CGNL1: variants seen among roughly 807,000 people sequenced by gnomAD.
CGNL1 encodes cingulin-like protein 1.
CGNL1 carries 132 observed loss-of-function variants against 141.2 expected under a neutral mutation model. That is an observed-to-expected ratio of 0.93 (90% CI 0.81 to 1.08). The LOEUF (loss-of-function observed/expected upper bound fraction) is 1.08, where lower values mean the gene tolerates loss of function less well. Ranked by LOEUF, CGNL1 falls within the 50% of genes least tolerant of loss-of-function variation. The pLI, the probability that CGNL1 is intolerant of heterozygous loss-of-function variation, is 0.00. For synonymous variants in CGNL1, 690 were observed against 622.1 expected (o/e 1.11, Z -1.63); for missense variants, 1,870 against 1,588.6 (o/e 1.18, Z -3.01).
chr15:57,529,344 A>G (rs2031812876), intron 13 of CGNL1, among the ~76,000 whole-genome samples: 1 of 152,206 alleles, frequency 6.6e-6, no homozygotes, highest in Non-Finnish European at 1.5e-5. Context: ...TAGTATGTAC[A>G]TAGTCCAAGA....
intron 17 of CGNL1, 107 bp from the exon 18 acceptor site, chr15:57,545,969 T>C: frequency 1.6e-6 from 2 of 1,273,746 alleles, no homozygotes; most frequent in Non-Finnish European, 2.2e-6. Flanking sequence ...GCTGCCCCAT[T>C]GCCCATGTCT....
At chr15:57,385,681 C>T (rs192580214) in intron 1 of CGNL1, among the ~76,000 whole-genome samples, 73 of 152,312 alleles carry the variant, frequency 4.8e-4, no homozygotes, top group African/African-American at 1.7e-3. Flanking sequence ...CTACCCCATA[C>T]AGTCAAGCCA....
rs1482726977 is a variant in CGNL1, at chr15:57,438,952, A to T, written c.953A>T (p.Glu318Val). 2 of 1,614,222 alleles carry T rather than the reference A, an allele frequency of 1.2e-6. No homozygotes were observed. The highest frequency in any genetic ancestry group is 2.2e-5 in the East Asian group (1 of 44,878). The change falls in exon 2 of 19, where the codon GAA (glutamate) becomes GTA (valine). Residue 318 changes from glutamate to valine, a missense_variant. By Grantham distance (121) the Glu-to-Val change is moderately radical. Transcript: ENST00000281282. ...SLYRFLLDDQ[E>V]CAIHADNVNR... ...TACAGGTTTTTACTGGATGATCAGG[A>T]ATGTGCCATCCATGCCGACAACGTC...
intron 10 of CGNL1, among the ~76,000 whole-genome samples, chr15:57,520,853 T>G (rs2031204687): frequency 6.6e-6 from 1 of 152,166 alleles, no homozygotes; most frequent in Non-Finnish European, 1.5e-5. Context: ...TCCTTCTGGT[T>G]AAGCTGCCCA....
At chr15:57,540,707 A>G (rs919007498) in intron 14 of CGNL1, among the ~76,000 whole-genome samples, 3 of 152,158 alleles carry the variant, frequency 2.0e-5, no homozygotes, top group African/African-American at 4.8e-5. Flanking sequence ...CTTTCCTGTC[A>G]TAGTGACACT....
chr15:57,468,390 G>A (rs1444600158), intron 8 of CGNL1, among the ~76,000 whole-genome samples: 2 of 151,544 alleles, frequency 1.3e-5, no homozygotes, highest in African/African-American at 2.4e-5. Context: ...ACAGCTGCAC[G>A]CCACCACACC....
rs1318879179 is a variant in CGNL1, at chr15:57,461,713, C to T, written c.2224C>T (p.Leu742=). 2 of 1,614,104 alleles carry T rather than the reference C, an allele frequency of 1.2e-6. No homozygotes were observed. Among genetic ancestry groups the T allele is most frequent in the African/African-American group, 2.7e-5 (2 of 75,038 alleles). ...LLQAKQDLQD[L]LIAKEEQEDL... ...ACAGGCAAAACAGGATCTTCAAGAT[C>T]TGCTGATTGCCAAAGAGGAGCAAGA... The change falls in exon 8 of 19, where the codon CTG becomes TTG. Residue 742 remains leucine, a synonymous_variant. Transcript: ENST00000281282.
In CGNL1 at chr15:57,544,609, C is replaced by T; in HGVS notation, c.3500+12C>T. ...GAGAGTGAGGAGAGGTGAGCCGGGCCCACCCACTGCAGTGCGGAGGCCCCA... is the reference window on the plus strand; with the variant it reads ...GAGAGTGAGGAGAGGTGAGCCGGGCTCACCCACTGCAGTGCGGAGGCCCCA... On this transcript the variant is annotated intron_variant, in intron 16 of 18. Transcript: ENST00000281282. 3.2e-6 allele frequency: 5 copies of T among 1,565,754 alleles called. No individual in the cohort carries two copies. Among genetic ancestry groups the T allele is most frequent in the Non-Finnish European group, 4.3e-6 (5 of 1,154,650 alleles).
At chr15:57,401,144 T>G (rs2062656489) in intron 1 of CGNL1, among the ~76,000 whole-genome samples, 1 of 152,170 alleles carries the variant, frequency 6.6e-6, no homozygotes, top group South Asian at 2.1e-4. Flanking sequence ...TGTATATAAA[T>G]TTTTGTTGGT....
At chr15:57,525,680 A>T (rs2031565631) in intron 12 of CGNL1, among the ~76,000 whole-genome samples, 1 of 152,192 alleles carries the variant, frequency 6.6e-6, no homozygotes, top group Non-Finnish European at 1.5e-5. Flanking sequence ...TTTAAAAAAC[A>T]AACTTTAATT....
At chr15:57,474,013 C>A (rs538209976) in intron 8 of CGNL1, among the ~76,000 whole-genome samples, 1 of 148,468 alleles carries the variant, frequency 6.7e-6, no homozygotes, top group African/African-American at 2.5e-5. Flanking sequence ...CGGGTTCAAG[C>A]GATTCTCCTG....
At chr15:57,542,707 G>A (rs1454282922) in intron 14 of CGNL1, among the ~76,000 whole-genome samples, 1 of 152,226 alleles carries the variant, frequency 6.6e-6, no homozygotes, top group Non-Finnish European at 1.5e-5. Context: ...TTATAATGCA[G>A]CAGTCAGGAG....
chr15:57,507,244 A>G (rs202176970), intron 8 of CGNL1, among the ~76,000 whole-genome samples: 351 of 152,312 alleles, frequency 2.3e-3, no homozygotes, highest in African/African-American at 8.3e-3. Context: ...CTCTACATCT[A>G]TTTAGTTGCA....
Position 57,462,302 on chromosome 15 carries a change from T to C in CGNL1, c.2403+410T>C, listed in dbSNP as rs78805325. 8.4e-3 allele frequency among the ~76,000 whole-genome samples: 1,273 copies of C among 152,290 alleles called. 13 individuals are homozygous for C. Among genetic ancestry groups the C allele is most frequent in the African/African-American group, 0.029 (1,214 of 41,578 alleles). On this transcript the variant is annotated intron_variant, in intron 8 of 18. Transcript: ENST00000281282. ...TCCTGGAATCCTTCATCCCCCACCC[T>C]AGTCTGTTCCTTTTGATTTTGTGTA...
In CGNL1 at chr15:57,550,169, A is replaced by T. The variant is rs1383294279; in HGVS notation, c.*2679A>T. ...ATTGCGCTATCCTACACTCTGAGGG[A>T]GTTGGCAACGCATGCGGTATAGTGG... is the stretch of plus-strand genomic sequence containing the variant. On this transcript the variant is annotated 3_prime_UTR_variant, in exon 19 of 19. Coordinates refer to ENST00000281282, the MANE Select transcript of CGNL1 (RefSeq NM_032866.5). The T allele has an allele frequency of 6.6e-6, 1 of 152,262 alleles. No individual in the cohort carries two copies. The highest frequency in any genetic ancestry group is 1.9e-4 in the East Asian group (1 of 5,200). The allele number at this position is 152,262 out of a possible 1,614,324, so 9.4% of individuals were successfully genotyped here. A position where few individuals can be genotyped will look rare whatever the true frequency, so the allele number is the denominator to read the frequency against.
At chr15:57,428,757 G>GCTCATGC (rs1371941397) in intron 1 of CGNL1, among the ~76,000 whole-genome samples, 3 of 152,192 alleles carry the variant, frequency 2.0e-5, no homozygotes, top group African/African-American at 7.2e-5. Context: ...GGGCGTAGTG[G>GCTCATGC]CTCATGCCTG....
intron 1 of CGNL1, among the ~76,000 whole-genome samples, chr15:57,379,424 A>G (rs2062401846): frequency 6.6e-6 from 1 of 152,158 alleles, no homozygotes; most frequent in African/African-American, 2.4e-5. Context: ...GCAACTAGAA[A>G]AGGCCTTGGG....
chr15:57,415,830 C>T (rs2062842405), intron 1 of CGNL1, among the ~76,000 whole-genome samples: 1 of 152,212 alleles, frequency 6.6e-6, no homozygotes, highest in Non-Finnish European at 1.5e-5. Flanking sequence ...GATTACAGTT[C>T]TTTGGGCTCC....
intron 8 of CGNL1, among the ~76,000 whole-genome samples, chr15:57,486,943 A>G (rs2063793168): frequency 6.6e-6 from 1 of 152,200 alleles, no homozygotes; most frequent in African/African-American, 2.4e-5. Flanking sequence ...AGATGTCACA[A>G]TAATTGTAGA....
Sources: allele counts gnomAD v4.1 joint callset (sites outside exome capture counted in the v4.1 genomes callset), GRCh38; gene constraint gnomAD v4.1.1; transcripts MANE v1.5; gene names NCBI Gene and HGNC (gene_info 2026-07-23, HGNC 2026-07-21).